The following SAFB variants were observed in gnomAD, a reference collection of about 807,000 sequenced individuals.
The protein encoded by SAFB is scaffold attachment factor B.
Under a neutral mutation model 101.6 loss-of-function variants are expected in SAFB, and 15 were observed. The ratio of observed to expected loss-of-function variants is 0.15; its 90% CI spans 0.10 to 0.23. SAFB has a LOEUF of 0.23. Ranked by LOEUF, SAFB falls within the 10% of genes least tolerant of loss-of-function variation. The pLI is 1.00. For missense variants in SAFB, 930 were observed against 1,104.1 expected, an observed-to-expected ratio of 0.84 and a Z score of 2.23; for synonymous variants, 449 against 407.5, an observed-to-expected ratio of 1.10 and a Z score of -1.23.
At position 5,623,140 on chromosome 19, in the gene SAFB, T is replaced by G; in HGVS notation, c.-66T>G. Reference sequence around the variant, plus strand: ...TTCCCTCGCAGGCGGCGCCATTTTGTGCTAGGAGCCTGATAAAACCGGCCC... The same window carrying G: ...TTCCCTCGCAGGCGGCGCCATTTTGGGCTAGGAGCCTGATAAAACCGGCCC... On this transcript the variant is annotated 5_prime_UTR_variant, in exon 1 of 21. Coordinates refer to ENST00000588852, the MANE Select transcript of SAFB (RefSeq NM_001201338.2). 6.7e-7 allele frequency: 1 copy of G among 1,490,966 alleles called. No homozygotes were observed. The highest frequency in any genetic ancestry group is 1.2e-5 in the South Asian group (1 of 82,434). 92.4% of individuals were successfully genotyped at this position (1,490,966 alleles called of 1,614,324 possible).
At chr19:5,649,806 G>A in intron 7 of SAFB, 120 bp from the exon 8 acceptor site, 1 of 919,964 alleles carries the variant, frequency 1.1e-6, no homozygotes, top group South Asian at 1.5e-5. Context: ...GTTTGTCGGG[G>A]TATCATTTTT....
rs143003617 is a variant in SAFB, at chr19:5,629,145, C to T, written c.274+2656C>T. ...GTAAAAAGCAGAAGTTGTTCACAGTCGGGACAGCCCACTACTAAAAGTTAG... is the reference window on the plus strand; with the variant it reads ...GTAAAAAGCAGAAGTTGTTCACAGTTGGGACAGCCCACTACTAAAAGTTAG... On this transcript the variant is annotated intron_variant, in intron 2 of 20. Transcript: ENST00000588852. Among the ~76,000 whole-genome samples the T allele has an allele frequency of 3.6e-3, 549 of 152,274 alleles. 3 individuals carry two copies. The highest frequency in any genetic ancestry group is 0.013 in the African/African-American group (520 of 41,536).
In SAFB at chr19:5,668,433, G is replaced by T. The variant is rs530726026; in HGVS notation, c.*142G>T. On this transcript the variant is annotated 3_prime_UTR_variant, in exon 21 of 21. Transcript: ENST00000588852. Reference sequence around the variant, plus strand: ...ATGTGAATTTGTTTTTCGTTTTGGGGTTTTTTTTTTTTGTAATAAATGTGT... The same window carrying T: ...ATGTGAATTTGTTTTTCGTTTTGGGTTTTTTTTTTTTTGTAATAAATGTGT... The T allele has an allele frequency of 5.3e-4, 356 of 668,116 alleles. 1 individual carries two copies. The highest frequency in any genetic ancestry group is 3.3e-3 in the South Asian group (138 of 41,470). 41.4% of individuals were successfully genotyped at this position (668,116 alleles called of 1,614,324 possible). A position where few individuals can be genotyped will look rare whatever the true frequency, so the allele number is the denominator to read the frequency against.
At chr19:5,645,272 A>G in intron 4 of SAFB, 65 bp from the exon 5 acceptor site, 2 of 743,934 alleles carry the variant, frequency 2.7e-6, no homozygotes, top group Non-Finnish European at 4.9e-6. Flanking sequence ...TTCATTGTAC[A>G]GATGTACCAT....
chr19:5,626,254 CAGATGAGTGGATGG>C, intron 1 of SAFB, 137 bp from the exon 2 acceptor site: 4 of 543,312 alleles, frequency 7.4e-6, no homozygotes, highest in Non-Finnish European at 1.0e-5. Flanking sequence ...AGCGAGATAA[CAGATGAGTGGATGG>C]GCCACAGGTC....
intron 14 of SAFB, among the ~76,000 whole-genome samples, chr19:5,661,014 C>T: frequency 7.2e-6 from 1 of 138,788 alleles, no homozygotes. Context: ...GCCTCACGGG[C>T]TCCAGTGATT....
At chr19:5,650,867 C>A in intron 8 of SAFB, 111 bp from the exon 9 acceptor site, 1 of 698,802 alleles carries the variant, frequency 1.4e-6, no homozygotes, top group Non-Finnish European at 2.5e-6. Context: ...GCTTTTAGTG[C>A]TGCCACTGCC....
At position 5,626,407 on chromosome 19, in the gene SAFB, A is replaced by G; in HGVS notation, c.192A>G (p.Ala64=). 1 of 1,592,046 alleles carries G rather than the reference A, an allele frequency of 6.3e-7. No homozygotes were observed. The highest frequency in any genetic ancestry group is 1.7e-5 in the Admixed American group (1 of 59,860). The change falls in exon 2 of 21, where the codon GCA becomes GCG. Residue 64 remains alanine, a splice_region_variant and synonymous_variant. Transcript: ENST00000588852. ...KSVLMERLKK[A]IEDEGGNPDE... Reference sequence around the variant, plus strand: ...CTTTACTTTTCCCTTCTTTTTAGGCAATTGAAGATGAAGGTGGTAATCCTG... The same window carrying G: ...CTTTACTTTTCCCTTCTTTTTAGGCGATTGAAGATGAAGGTGGTAATCCTG...
At chr19:5,652,730 C>CT (rs369796852) in intron 9 of SAFB, among the ~76,000 whole-genome samples, 81 of 149,952 alleles carry the variant, frequency 5.4e-4, no homozygotes, top group Non-Finnish European at 7.1e-4. Flanking sequence ...GTGCCGAAGT[C>CT]TTTTTTTTTT....
chr19:5,658,030 C>CTGTGTCGCCCAGGG (rs1354201584), intron 14 of SAFB, among the ~76,000 whole-genome samples: 1 of 151,808 alleles, frequency 6.6e-6, no homozygotes, highest in African/African-American at 2.4e-5. Context: ...GAGATGGAGT[C>CTGTGTCGCCCAGGG]TGTGTCGCCC....
chr19:5,661,108 G>A (rs1052500431), intron 14 of SAFB, among the ~76,000 whole-genome samples: 1 of 151,768 alleles, frequency 6.6e-6, no homozygotes, highest in Admixed American at 6.6e-5. Flanking sequence ...TTTTAGTAGA[G>A]ACAAGAGTTT....
chr19:5,657,214 A>G (rs763708330), intron 13 of SAFB, 27 bp from the exon 14 acceptor site: 1 of 1,589,432 alleles, frequency 6.3e-7, no homozygotes, highest in East Asian at 2.2e-5. Flanking sequence ...CTCTGCTTTA[A>G]CTTTTTAATG....
chr19:5,631,972 A>C (rs2053499825), intron 2 of SAFB, among the ~76,000 whole-genome samples: 1 of 152,196 alleles, frequency 6.6e-6, no homozygotes, highest in Non-Finnish European at 1.5e-5. Flanking sequence ...ACGTGAGTCC[A>C]GGAATTTGAG....
rs2054349925 is a variant in SAFB at position 5,667,202 on chromosome 19, C to G, written c.2453+38C>G. 1 of 1,319,606 alleles carries G rather than the reference C, an allele frequency of 7.6e-7. No individual in the cohort carries two copies. Among genetic ancestry groups the G allele is most frequent in the Non-Finnish European group, 1.1e-6 (1 of 951,218 alleles). The allele number at this position is 1,319,606 out of a possible 1,614,324, so 81.7% of individuals were successfully genotyped here. A position where few individuals can be genotyped will look rare whatever the true frequency, so the allele number is the denominator to read the frequency against. ...CACCCGACAGTACCTGACCCCCCCC[C>G]CGCCCACAAGGGGGCCCGCAAGTCG... is the stretch of plus-strand genomic sequence containing the variant. On this transcript the variant is annotated intron_variant, in intron 18 of 20. Coordinates refer to ENST00000588852, the MANE Select transcript of SAFB (RefSeq NM_001201338.2). This position sits in a 1 kb window ranked among gnomAD's most constrained non-coding sequence, Gnocchi z 4.0.
intron 4 of SAFB, chr19:5,642,165 T>A: frequency 3.3e-6 from 2 of 605,080 alleles, no homozygotes; most frequent in Non-Finnish European, 3.1e-6. Context: ...CGGCATACAG[T>A]ATGAGACATT....
At chr19:5,639,883 G>T (rs1233820381) in intron 2 of SAFB, among the ~76,000 whole-genome samples, 1 of 151,934 alleles carries the variant, frequency 6.6e-6, no homozygotes, top group Non-Finnish European at 1.5e-5. Context: ...TGTTGCCCAG[G>T]CTGGAGTGCA....
intron 14 of SAFB, among the ~76,000 whole-genome samples, chr19:5,659,973 C>T (rs1206966602): frequency 6.6e-6 from 1 of 152,168 alleles, no homozygotes; most frequent in Admixed American, 6.5e-5. Flanking sequence ...ATACTAGGGG[C>T]TCCTCCGGAA....
chr19:5,637,260 C>T (rs879437846), intron 2 of SAFB, among the ~76,000 whole-genome samples: 6 of 149,008 alleles, frequency 4.0e-5, no homozygotes, highest in Non-Finnish European at 7.4e-5. Context: ...AGGAGAATGG[C>T]GTGAACCCGG....
chr19:5,657,989 C>T (rs907647157), intron 14 of SAFB, among the ~76,000 whole-genome samples: 3 of 152,054 alleles, frequency 2.0e-5, no homozygotes, highest in East Asian at 1.9e-4. Context: ...GTAGACCCAG[C>T]GAGGGCACTG....
Sources: allele counts gnomAD v4.1 joint callset (sites outside exome capture counted in the v4.1 genomes callset), GRCh38; gene constraint gnomAD v4.1.1; non-coding constraint Gnocchi (gnomAD v3.1); transcripts MANE v1.5; gene names NCBI Gene and HGNC (gene_info 2026-07-23, HGNC 2026-07-21).